Variants in AGBL1 observed in about 807,000 individuals in gnomAD.
AGBL1 encodes cytosolic carboxypeptidase 4.
In AGBL1, 130 loss-of-function variants were observed where a neutral mutation model predicts 118.9. The ratio of observed to expected loss-of-function variants is 1.09; its 90% CI spans 0.95 to 1.26. AGBL1 has a LOEUF of 1.26. Among genes scored for constraint, AGBL1 ranks in the 50% most tolerant of loss-of-function variants. The probability of loss-of-function intolerance (pLI) is 0.00; values close to 1 mark genes in which losing one functional copy is unlikely to be tolerated. For synonymous variants in AGBL1, 555 were observed against 478.9 expected, an observed-to-expected ratio of 1.16 and a Z score of -2.08; for missense variants, 1,584 against 1,298.1, an observed-to-expected ratio of 1.22 and a Z score of -3.38.
chr15:86,725,540 C>G (rs879870480), intron 22 of AGBL1, among the ~76,000 whole-genome samples: 8 of 152,222 alleles, frequency 5.3e-5, no homozygotes, highest in Non-Finnish European at 1.0e-4. Context: ...GTAGTATCAG[C>G]AGACAAAGGC....
Position 86,267,064 on chromosome 15 carries a change from T to A in AGBL1, c.1826T>A (p.Ile609Asn), listed in dbSNP as rs1487188880. The A allele has an allele frequency of 6.4e-7, 1 of 1,562,410 alleles. No individual in the cohort carries two copies. Among genetic ancestry groups the A allele is most frequent in the South Asian group, 1.2e-5 (1 of 84,660 alleles). Residue 609 changes from isoleucine (I) to asparagine (N), a missense_variant, in exon 13 of 23, where the codon ATC (isoleucine) becomes AAC (asparagine). Coordinates refer to ENST00000614907, the MANE Select transcript of AGBL1 (RefSeq NM_001386094.1). ...GAGTCAGGAAATCTTCGCAAAGCCA[T>A]CCAAGTGCGTGAGTAAGTAAGGAAA... ...KFESGNLRKA[I>N]QVREFEYDLL...
At chr15:86,222,029 G>A (rs140330871) in intron 5 of AGBL1, among the ~76,000 whole-genome samples, 2 of 152,088 alleles carry the variant, frequency 1.3e-5, no homozygotes, top group Non-Finnish European at 2.9e-5. Context: ...CTAATCATCC[G>A]CAGGTCTCCT....
intron 17 of AGBL1, among the ~76,000 whole-genome samples, chr15:86,357,705 C>T (rs1251881595): frequency 6.6e-6 from 1 of 152,102 alleles, no homozygotes; most frequent in Non-Finnish European, 1.5e-5. Flanking sequence ...ACATAGCGTG[C>T]TTCTTTACTA....
chr15:86,719,012 C>T (rs926240258), intron 22 of AGBL1, among the ~76,000 whole-genome samples: 1 of 152,156 alleles, frequency 6.6e-6, no homozygotes, highest in Non-Finnish European at 1.5e-5. Context: ...CCTCAACACC[C>T]CTTTCCCCCC....
intron 23 of AGBL1, among the ~76,000 whole-genome samples, chr15:86,964,543 C>T (rs1596682334): frequency 6.6e-6 from 1 of 151,942 alleles, no homozygotes; most frequent in South Asian, 2.1e-4. Flanking sequence ...CAGTAAATCA[C>T]CTCCTGAACA....
chr15:86,155,399 T>A (rs917933863), intron 4 of AGBL1, among the ~76,000 whole-genome samples: 1 of 152,086 alleles, frequency 6.6e-6, no homozygotes, highest in Non-Finnish European at 1.5e-5. Context: ...GCAGTGAGCA[T>A]TGATTGTGAC....
At chr15:86,868,596 G>A (rs550661909) in intron 22 of AGBL1, among the ~76,000 whole-genome samples, 14 of 152,284 alleles carry the variant, frequency 9.2e-5, no homozygotes, top group East Asian at 7.7e-4. Context: ...AAACATAGGC[G>A]TGTAAAGCAT....
intron 21 of AGBL1, among the ~76,000 whole-genome samples, chr15:86,586,672 A>G (rs1427941864): frequency 6.6e-6 from 1 of 152,192 alleles, no homozygotes; most frequent in African/African-American, 2.4e-5. Flanking sequence ...GAAGATAAGA[A>G]TTGCAGGTAA....
chr15:86,346,810 T>C (rs2080544733), intron 17 of AGBL1, among the ~76,000 whole-genome samples: 1 of 152,238 alleles, frequency 6.6e-6, no homozygotes, highest in South Asian at 2.1e-4. Context: ...AGGAAGAAGC[T>C]TGTGCTTGTA....
intron 1 of AGBL1, among the ~76,000 whole-genome samples, chr15:86,125,703 C>G (rs1280533512): frequency 6.6e-6 from 1 of 152,172 alleles, no homozygotes; most frequent in Admixed American, 6.5e-5. Context: ...GCAGGGATCT[C>G]TGCATATTAG....
intron 21 of AGBL1, among the ~76,000 whole-genome samples, chr15:86,635,172 AACTAG>A (rs2085054709): frequency 6.6e-6 from 1 of 151,612 alleles, no homozygotes; most frequent in East Asian, 1.9e-4. Flanking sequence ...AGACTAAAAG[AACTAG>A]AGTTTACCCA....
downstream of AGBL1, among the ~76,000 whole-genome samples, chr15:86,919,953 G>A (rs941767493): frequency 6.6e-6 from 1 of 152,118 alleles, no homozygotes; most frequent in Non-Finnish European, 1.5e-5. Flanking sequence ...GCAGGCTCAT[G>A]GGGGAGGGAT....
intron 17 of AGBL1, among the ~76,000 whole-genome samples, chr15:86,311,262 C>T (rs531801623): frequency 2.0e-5 from 3 of 152,252 alleles, no homozygotes; most frequent in Admixed American, 6.5e-5. Flanking sequence ...GCAGGTTGTT[C>T]AGAATAGTTA....
chr15:86,388,854 G>A (rs2081235795), intron 17 of AGBL1, among the ~76,000 whole-genome samples: 1 of 152,122 alleles, frequency 6.6e-6, no homozygotes, highest in African/African-American at 2.4e-5. Flanking sequence ...AATAATACAG[G>A]TGAAAACGCC....
At chr15:86,171,880 G>C (rs2077420958) in intron 5 of AGBL1, among the ~76,000 whole-genome samples, 1 of 152,104 alleles carries the variant, frequency 6.6e-6, no homozygotes, top group Non-Finnish European at 1.5e-5. Flanking sequence ...ACAAAATAGT[G>C]GCATTCACAA....
intron 7 of AGBL1, among the ~76,000 whole-genome samples, chr15:86,250,371 A>G (rs2078791965): frequency 6.6e-6 from 1 of 151,616 alleles, no homozygotes; most frequent in Non-Finnish European, 1.5e-5. Context: ...CTAAAAATAC[A>G]AAAAATTAGC....
chr15:86,574,561 A>T (rs889644765), intron 21 of AGBL1, among the ~76,000 whole-genome samples: 1 of 148,162 alleles, frequency 6.7e-6, no homozygotes, highest in Admixed American at 7.0e-5. Context: ...ACAATTCTTA[A>T]AAGTTTTAAT....
chr15:86,500,134 G>C (rs968048103), intron 18 of AGBL1, among the ~76,000 whole-genome samples: 8 of 151,868 alleles, frequency 5.3e-5, no homozygotes, highest in African/African-American at 1.7e-4. Flanking sequence ...TTCTTCTAAA[G>C]AATAGACAGA....
intron 21 of AGBL1, among the ~76,000 whole-genome samples, chr15:86,652,688 A>G (rs2142498318): frequency 6.6e-6 from 1 of 152,296 alleles, no homozygotes; most frequent in Non-Finnish European, 1.5e-5. Context: ...AAGGGTATTA[A>G]GTTAATGAAA....
Sources: gnomAD v4.1 joint callset for allele counts (sites outside exome capture counted in the v4.1 genomes callset) on GRCh38, gnomAD v4.1.1 for gene constraint, MANE v1.5 for transcripts, NCBI Gene and HGNC (gene_info 2026-07-23, HGNC 2026-07-21) for gene names.